FBXO36: variants seen among roughly 807,000 people sequenced by gnomAD.
FBXO36 encodes the protein F-box protein 36.
Under a neutral mutation model 17.0 loss-of-function variants are expected in FBXO36, and 18 were observed. The observed-to-expected ratio is 1.06, with a 90% CI of 0.73 to 1.57. The LOEUF is 1.57. Ranked by LOEUF, FBXO36 falls within the 40% of genes most tolerant of loss-of-function variation. The probability of loss-of-function intolerance (pLI) is 0.00; values close to 1 mark genes in which losing one functional copy is unlikely to be tolerated. For synonymous variants in FBXO36, 83 were observed against 85.3 expected (o/e 0.97, Z 0.15); for missense variants, 229 against 221.9 (o/e 1.03, Z -0.20).
At chr2:230,002,781 TCAGCAAACCAG>T (rs2077366777) in intron 3 of FBXO36, among the ~76,000 whole-genome samples, 1 of 152,214 alleles carries the variant, frequency 6.6e-6, no homozygotes, top group Admixed American at 6.5e-5. Context: ...CAGTTAATGC[TCAGCAAACCAG>T]CAGCATTAGT....
At chr2:229,941,238 G>A (rs373345847) in intron 1 of FBXO36, among the ~76,000 whole-genome samples, 6 of 151,930 alleles carry the variant, frequency 3.9e-5, no homozygotes, top group Non-Finnish European at 5.9e-5. Flanking sequence ...GGCAGATCAC[G>A]AGGTCAGGAG....
intron 1 of FBXO36, 77 bp from the exon 2 acceptor site, chr2:229,976,164 T>G (rs1043134708): frequency 6.9e-5 from 80 of 1,152,748 alleles, no homozygotes; most frequent in Non-Finnish European, 9.7e-5. Context: ...TTATGCAAAT[T>G]TTCAAAACCC....
intron 2 of FBXO36, among the ~76,000 whole-genome samples, chr2:229,996,079 C>G (rs997846728): frequency 5.9e-5 from 9 of 151,262 alleles, no homozygotes; most frequent in African/African-American, 2.2e-4. Context: ...AGTTCTAGAC[C>G]AGCCTGGGCA....
chr2:230,012,711 T>C lies in FBXO36; in HGVS notation c.*1827T>C, dbSNP rs1259932979. The C allele has an allele frequency of 2.0e-5, 3 of 151,996 alleles. No homozygotes were observed. The East Asian group carries it at 5.8e-4, about 29-fold the overall frequency. The allele number at this position is 151,996 out of a possible 1,614,324, so 9.4% of individuals were successfully genotyped here. Reference sequence around the variant, plus strand: ...ATTTTCAATGACAGAACGTAGGTTTTATCGTGAGGATGCAGACACAACCAC... The same window carrying C: ...ATTTTCAATGACAGAACGTAGGTTTCATCGTGAGGATGCAGACACAACCAC... On this transcript the variant is annotated 3_prime_UTR_variant, in exon 4 of 4. Transcript: ENST00000283946.
chr2:229,962,640 G>A (rs2077129322), intron 1 of FBXO36, among the ~76,000 whole-genome samples: 1 of 151,516 alleles, frequency 6.6e-6, no homozygotes, highest in African/African-American at 2.4e-5. Flanking sequence ...AAAGTGCTGG[G>A]ATTACAAGCA....
Position 230,010,938 on chromosome 2 carries a change from T to C in FBXO36, c.*54T>C, listed in dbSNP as rs1001675221. 1.3e-6 allele frequency: 2 copies of C among 1,494,250 alleles called. No homozygotes were observed. The highest frequency in any genetic ancestry group is 9.0e-7 in the Non-Finnish European group (1 of 1,109,486). 92.6% of individuals were successfully genotyped at this position (1,494,250 alleles called of 1,614,324 possible). A position where few individuals can be genotyped will look rare whatever the true frequency, so the allele number is the denominator to read the frequency against. On this transcript the variant is annotated 3_prime_UTR_variant, in exon 4 of 4. Coordinates refer to ENST00000283946, the MANE Select transcript of FBXO36 (RefSeq NM_174899.5). ...CAGGCATGGCTGTGTTTCTCTTCAG[T>C]GTCCAAATCTCTTCTGTCTCCTTTT... is the stretch of plus-strand genomic sequence containing the variant.
intron 1 of FBXO36, among the ~76,000 whole-genome samples, chr2:229,945,816 A>G (rs951318168): frequency 3.3e-5 from 5 of 150,922 alleles, no homozygotes; most frequent in African/African-American, 7.3e-5. Context: ...TGAGTTCAGG[A>G]GTTTGAGACC....
At chr2:229,949,122 T>G (rs2077042251) in intron 1 of FBXO36, among the ~76,000 whole-genome samples, 2 of 152,160 alleles carry the variant, frequency 1.3e-5, no homozygotes, top group Admixed American at 1.3e-4. Flanking sequence ...CATGAGCCAC[T>G]GCGCCCAGCC....
At chr2:229,975,910 C>A (rs1422045354) in intron 1 of FBXO36, among the ~76,000 whole-genome samples, 2 of 151,972 alleles carry the variant, frequency 1.3e-5, no homozygotes, top group Non-Finnish European at 2.9e-5. Flanking sequence ...AGTGTTGAAG[C>A]AATTCTCCTG....
intron 1 of FBXO36, among the ~76,000 whole-genome samples, chr2:229,952,670 G>A (rs886987508): frequency 6.6e-6 from 1 of 152,098 alleles, no homozygotes; most frequent in Non-Finnish European, 1.5e-5. Context: ...GGCTGGACAG[G>A]TTAAGACACC....
intron 1 of FBXO36, among the ~76,000 whole-genome samples, chr2:229,955,719 G>T (rs570673077): frequency 5.9e-5 from 9 of 152,102 alleles, no homozygotes; most frequent in African/African-American, 2.2e-4. Context: ...TCAAATTTAA[G>T]TACAAAACCC....
intron 2 of FBXO36, among the ~76,000 whole-genome samples, chr2:229,984,254 A>G (rs1313393298): frequency 1.3e-5 from 2 of 151,832 alleles, no homozygotes; most frequent in Non-Finnish European, 2.9e-5. Flanking sequence ...AGGTTGAGGC[A>G]GGAGAATCGC....
chr2:229,959,140 GTACCCATGT>G (rs2077108073), intron 1 of FBXO36, among the ~76,000 whole-genome samples: 1 of 151,964 alleles, frequency 6.6e-6, no homozygotes, highest in African/African-American at 2.4e-5. Context: ...TGAATCGTAA[GTACCCATGT>G]TAGATTTTGC....
At chr2:229,986,583 G>A (rs2077269504) in intron 2 of FBXO36, among the ~76,000 whole-genome samples, 1 of 144,430 alleles carries the variant, frequency 6.9e-6, no homozygotes, top group African/African-American at 2.6e-5. Context: ...AGCCTAGGCT[G>A]GAGTGCAGTG....
intron 1 of FBXO36, among the ~76,000 whole-genome samples, chr2:229,948,674 C>T (rs2077039866): frequency 3.3e-5 from 5 of 152,138 alleles, no homozygotes; most frequent in Admixed American, 3.3e-4. Flanking sequence ...TCTCTTCCTC[C>T]TTCCTACTGT....
intron 3 of FBXO36, among the ~76,000 whole-genome samples, chr2:230,010,120 G>T (rs551889031): frequency 2.0e-5 from 3 of 152,022 alleles, no homozygotes; most frequent in African/African-American, 7.2e-5. Context: ...AATTAGCTCA[G>T]TGTGGTGGCG....
chr2:229,938,783 G>C (rs145706111), intron 1 of FBXO36, among the ~76,000 whole-genome samples: 1 of 124,466 alleles, frequency 8.0e-6, no homozygotes, highest in Non-Finnish European at 1.7e-5. Context: ...CCCCGAGGCA[G>C]AGTTTCGCTC....
chr2:229,977,706 T>C (rs949734778), intron 2 of FBXO36, among the ~76,000 whole-genome samples: 9 of 152,002 alleles, frequency 5.9e-5, no homozygotes, highest in African/African-American at 9.7e-5. Flanking sequence ...TGCCTCAGCC[T>C]CCCAGAGTGC....
At chr2:230,008,607 T>TC (rs144481595) in intron 3 of FBXO36, among the ~76,000 whole-genome samples, 2,486 of 152,242 alleles carry the variant, frequency 0.016, 62 homozygotes, top group African/African-American at 0.057. Context: ...TTATTTCCTT[T>TC]CCCCCCAAAT....
Sources: allele counts gnomAD v4.1 joint callset (sites outside exome capture counted in the v4.1 genomes callset), GRCh38; gene constraint gnomAD v4.1.1; transcripts MANE v1.5; gene names NCBI Gene and HGNC (gene_info 2026-07-23, HGNC 2026-07-21).